Variants in HDAC9 observed in about 807,000 individuals in gnomAD.
HDAC9 encodes the protein MEF-2 interacting transcription repressor (MITR) protein.
HDAC9 carries 41 observed loss-of-function variants against 139.4 expected under a neutral mutation model. The observed-to-expected ratio is 0.29, with a 90% CI of 0.23 to 0.38. The LOEUF is 0.38. Ranked by LOEUF, HDAC9 falls within the 10% of genes least tolerant of loss-of-function variation. The probability of loss-of-function intolerance (pLI) is 1.00; values close to 1 mark genes in which losing one functional copy is unlikely to be tolerated. For missense variants in HDAC9, 1,147 were observed against 1,297.0 expected (o/e 0.88, Z 1.78); for synonymous variants, 517 against 476.2 (o/e 1.09, Z -1.12).
intron 2 of HDAC9, among the ~76,000 whole-genome samples, chr7:18,275,235 G>C (rs1251929015): frequency 6.6e-6 from 1 of 152,108 alleles, no homozygotes; most frequent in Admixed American, 6.5e-5. Context: ...AACTCCTCTT[G>C]TCTGTACCTT....
chr7:18,611,544 G>C (rs760626906), intron 6 of HDAC9, among the ~76,000 whole-genome samples: 69 of 152,018 alleles, frequency 4.5e-4, no homozygotes, highest in Non-Finnish European at 8.8e-5. Context: ...CTTTCCTAAG[G>C]TCTGATTTTC....
chr7:18,264,811 C>T, intron 2 of HDAC9, among the ~76,000 whole-genome samples: 1 of 152,252 alleles, frequency 6.6e-6, no homozygotes, highest in East Asian at 1.9e-4. Context: ...TTCAGTTAGA[C>T]AAAATCTTAA....
intron 12 of HDAC9, among the ~76,000 whole-genome samples, chr7:18,693,652 G>C (rs1483941875): frequency 2.0e-5 from 3 of 152,118 alleles, no homozygotes; most frequent in African/African-American, 7.2e-5. Context: ...ACAACTTCAA[G>C]TAGACTGGGA....
At chr7:18,232,638 T>C (rs1017906618) in intron 2 of HDAC9, among the ~76,000 whole-genome samples, 2 of 152,230 alleles carry the variant, frequency 1.3e-5, no homozygotes, top group Non-Finnish European at 2.9e-5. Flanking sequence ...GCTCATGATA[T>C]TTGCAGAATG....
intron 1 of HDAC9, among the ~76,000 whole-genome samples, chr7:18,100,821 T>A (rs1054152602): frequency 6.6e-6 from 1 of 152,232 alleles, no homozygotes; most frequent in Non-Finnish European, 1.5e-5. Context: ...ACATCGTGAA[T>A]TGTAGGGTGC....
At chr7:18,708,927 C>G (rs1562871494) in intron 12 of HDAC9, among the ~76,000 whole-genome samples, 1 of 152,046 alleles carries the variant, frequency 6.6e-6, no homozygotes, top group South Asian at 2.1e-4. Context: ...CACCCACACA[C>G]ATGCACACAC....
rs112664272 is a variant in HDAC9 at position 18,640,240 on chromosome 7, GA to G, written c.913-4420del. ...TAGAAAGACCCTGTCTCTACAGGGA[GA>G]AAAAAAAAAACCTAACAAACATTAG... On this transcript the variant is annotated intron_variant, in intron 8 of 25. Transcript: ENST00000686413. Among the ~76,000 whole-genome samples the G allele has an allele frequency of 3.8e-3, 535 of 140,738 alleles. 2 individuals carry two copies. Among genetic ancestry groups the G allele is most frequent in the African/African-American group, 0.012 (458 of 38,560 alleles). 92.3% of individuals were successfully genotyped at this position (140,738 alleles called of 152,430 possible).
chr7:18,600,958 C>T (rs1005416271), intron 6 of HDAC9, among the ~76,000 whole-genome samples: 2 of 152,122 alleles, frequency 1.3e-5, no homozygotes, highest in Non-Finnish European at 2.9e-5. Flanking sequence ...CACACACCAA[C>T]ATGCCTGGCT....
intron 12 of HDAC9, among the ~76,000 whole-genome samples, chr7:18,711,852 G>A (rs902201081): frequency 2.6e-5 from 4 of 151,980 alleles, no homozygotes; most frequent in Admixed American, 2.6e-4. Flanking sequence ...CATTCACCAG[G>A]CTCAACAGAG....
chr7:18,905,329 C>T lies in HDAC9; in HGVS notation c.2804-30480C>T, dbSNP rs371379085. On this transcript the variant is annotated intron_variant, in intron 22 of 25. Transcript: ENST00000686413. ...GCAGGCACTTGAAGGTTTAATAAGG[C>T]ATTTTATACAGAGTAGATGTTCATT... is the stretch of plus-strand genomic sequence containing the variant. Among the ~76,000 whole-genome samples the T allele has an allele frequency of 2.2e-4, 33 of 152,318 alleles. No individual in the cohort carries two copies. The East Asian group carries it at 3.1e-3, about 14-fold the overall frequency.
intron 22 of HDAC9, among the ~76,000 whole-genome samples, chr7:18,900,543 C>G (rs1280809181): frequency 6.6e-6 from 1 of 152,098 alleles, no homozygotes; most frequent in East Asian, 1.9e-4. Context: ...AAGTCCATGG[C>G]CAAGAAGGCA....
intron 1 of HDAC9, among the ~76,000 whole-genome samples, chr7:18,449,600 G>A (rs1792622088): frequency 2.6e-5 from 4 of 152,054 alleles, no homozygotes. Context: ...CGCTTTTCAG[G>A]ATGTATGTAG....
chr7:18,393,695 A>G (rs1343175372), intron 1 of HDAC9, among the ~76,000 whole-genome samples: 1 of 152,150 alleles, frequency 6.6e-6, no homozygotes, highest in Non-Finnish European at 1.5e-5. Flanking sequence ...TGCTACCCTG[A>G]CAGAGCTGCT....
At position 18,284,254 on chromosome 7, in the gene HDAC9, T is replaced by C. The variant is rs192556544; in HGVS notation, c.25+121905T>C. Among the ~76,000 whole-genome samples, 15 of 152,258 alleles carry C rather than the reference T, an allele frequency of 9.9e-5. No individual in the cohort carries two copies. In the East Asian group the frequency reaches 2.5e-3, roughly 25 times the overall value. ...AAGTCAATAGAATTATAAATTTAATTTGGTATTTACAACACACATATGCAC... is the reference window on the plus strand; with the variant it reads ...AAGTCAATAGAATTATAAATTTAATCTGGTATTTACAACACACATATGCAC... On this transcript the variant is annotated intron_variant, in intron 2 of 12. Coordinates refer to the HDAC9 transcript ENST00000417496.
chr7:18,907,319 C>A (rs1309925735), intron 22 of HDAC9, among the ~76,000 whole-genome samples: 1 of 152,030 alleles, frequency 6.6e-6, no homozygotes, highest in African/African-American at 2.4e-5. Context: ...TAGAACAATG[C>A]CCAGAACAAC....
chr7:18,648,438 A>C, intron 10 of HDAC9, 28 bp from the exon 11 acceptor site: 4 of 1,511,552 alleles, frequency 2.6e-6, no homozygotes, highest in Non-Finnish European at 3.7e-6. Flanking sequence ...GTGTGTATAC[A>C]CACATATACA....
intron 2 of HDAC9, among the ~76,000 whole-genome samples, chr7:18,180,184 T>C (rs1702049575): frequency 6.6e-6 from 1 of 151,648 alleles, no homozygotes; most frequent in Non-Finnish European, 1.5e-5. Context: ...TTACACTGTT[T>C]GTCATGCCAG....
At chr7:18,941,115 C>T (rs535783377) in intron 23 of HDAC9, among the ~76,000 whole-genome samples, 45 of 152,082 alleles carry the variant, frequency 3.0e-4, no homozygotes, top group African/African-American at 1.0e-3. Flanking sequence ...TGATTTCCCT[C>T]ACTCTTTTTA....
chr7:18,923,570 A>T (rs185883989), intron 22 of HDAC9, among the ~76,000 whole-genome samples: 1 of 152,014 alleles, frequency 6.6e-6, no homozygotes, highest in African/African-American at 2.4e-5. Flanking sequence ...TCATCATTCA[A>T]TTCCACAATC....
Sources: gnomAD v4.1 joint callset for allele counts (sites outside exome capture counted in the v4.1 genomes callset) on GRCh38, gnomAD v4.1.1 for gene constraint, MANE v1.5 for transcripts, NCBI Gene and HGNC (gene_info 2026-07-23, HGNC 2026-07-21) for gene names.